EPHA3: variants seen among roughly 807,000 people sequenced by gnomAD.
EPHA3 encodes ephrin type-A receptor 3.
EPHA3 carries 42 observed loss-of-function variants against 107.1 expected under a neutral mutation model. The observed-to-expected ratio is 0.39, with a 90% confidence interval of 0.31 to 0.51. The LOEUF is 0.51. EPHA3 is among the 20% of genes least tolerant of loss of function. EPHA3 has a pLI of 0.78. For synonymous variants in EPHA3, 461 were observed against 424.8 expected (o/e 1.09, Z -1.05); for missense variants, 1,183 against 1,211.2 (o/e 0.98, Z 0.35).
At chr3:89,260,155 C>G (rs1377329194) in intron 3 of EPHA3, among the ~76,000 whole-genome samples, 1 of 152,160 alleles carries the variant, frequency 6.6e-6, no homozygotes, top group Non-Finnish European at 1.5e-5. Context: ...GTACAGATAT[C>G]TTTACAAGGC....
At chr3:89,151,107 A>T (rs1476623606) in intron 2 of EPHA3, among the ~76,000 whole-genome samples, 4 of 152,094 alleles carry the variant, frequency 2.6e-5, no homozygotes, top group Non-Finnish European at 4.4e-5. Context: ...TAAAAATTAT[A>T]CAGGAAAAGG....
At chr3:89,124,445 A>G (rs1704048172) in intron 1 of EPHA3, among the ~76,000 whole-genome samples, 1 of 152,142 alleles carries the variant, frequency 6.6e-6, no homozygotes, top group South Asian at 2.1e-4. Flanking sequence ...ACTTTAAAGT[A>G]TTTAGAATTC....
intron 4 of EPHA3, among the ~76,000 whole-genome samples, chr3:89,341,331 C>T (rs1707516667): frequency 6.6e-6 from 1 of 152,050 alleles, no homozygotes; most frequent in Non-Finnish European, 1.5e-5. Flanking sequence ...TTGTTTAGAT[C>T]CTGCATTACA....
chr3:89,138,504 GT>G (rs1180148867), intron 2 of EPHA3, among the ~76,000 whole-genome samples: 1 of 152,042 alleles, frequency 6.6e-6, no homozygotes, highest in East Asian at 1.9e-4. Context: ...AGAATATAAG[GT>G]TGTCTGGGAA....
intron 3 of EPHA3, among the ~76,000 whole-genome samples, chr3:89,318,589 G>A (rs1255248942): frequency 1.3e-5 from 2 of 151,914 alleles, no homozygotes; most frequent in East Asian, 1.9e-4. Context: ...TCAGACGGCC[G>A]GCCAGCTTGA....
chr3:89,146,604 C>A (rs1015525209), intron 2 of EPHA3, among the ~76,000 whole-genome samples: 1 of 151,992 alleles, frequency 6.6e-6, no homozygotes, highest in African/African-American at 2.4e-5. Flanking sequence ...CCTGTTCACT[C>A]TGATGATAGT....
chr3:89,228,981 T>A (rs956287522), intron 3 of EPHA3, among the ~76,000 whole-genome samples: 2 of 151,984 alleles, frequency 1.3e-5, no homozygotes, highest in Non-Finnish European at 2.9e-5. Flanking sequence ...AATTTGACTA[T>A]GTTTAAGCCG....
chr3:89,175,921 T>C (rs1705311956), intron 2 of EPHA3, among the ~76,000 whole-genome samples: 1 of 152,150 alleles, frequency 6.6e-6, no homozygotes. Flanking sequence ...TATTGTTGTT[T>C]TTTTACAGTT....
At chr3:89,271,220 C>T (rs1257672369) in intron 3 of EPHA3, among the ~76,000 whole-genome samples, 4 of 151,774 alleles carry the variant, frequency 2.6e-5, no homozygotes, top group Non-Finnish European at 5.9e-5. Context: ...CCTATAAAGT[C>T]ACTGTATTAC....
chr3:89,122,013 G>A (rs777962921), intron 1 of EPHA3, among the ~76,000 whole-genome samples: 20 of 150,182 alleles, frequency 1.3e-4, no homozygotes, highest in Middle Eastern at 3.5e-3. Flanking sequence ...ATGTTTGACC[G>A]GAGAACTACA....
At chr3:89,125,790 A>G (rs1338713767) in intron 1 of EPHA3, among the ~76,000 whole-genome samples, 2 of 151,654 alleles carry the variant, frequency 1.3e-5, no homozygotes, top group Non-Finnish European at 3.0e-5. Flanking sequence ...CCTTACTTTT[A>G]CCCATTTAAT....
rs544471847 is a variant in EPHA3, at chr3:89,368,574, T to C, written c.1306+26484T>C. Among the ~76,000 whole-genome samples, 180 of 150,632 alleles carry C rather than the reference T, an allele frequency of 1.2e-3. 7 individuals carry two copies. Among genetic ancestry groups the C allele is most frequent in the South Asian group, 4.6e-3 (22 of 4,786 alleles). ...AAGGCCTGAAAACTGGAGGGTCTGA[T>C]ATTGTAATTCTTAGAATTAGCAGAC... On this transcript the variant is annotated intron_variant, in intron 5 of 16. Transcript: ENST00000336596.
At chr3:89,401,058 A>G (rs1708952203) in intron 7 of EPHA3, among the ~76,000 whole-genome samples, 1 of 152,166 alleles carries the variant, frequency 6.6e-6, no homozygotes, top group Non-Finnish European at 1.5e-5. Flanking sequence ...TCTCATTGTT[A>G]CTGGTATATT....
At chr3:89,474,620 G>C (rs933556734) in intron 16 of EPHA3, among the ~76,000 whole-genome samples, 1 of 152,132 alleles carries the variant, frequency 6.6e-6, no homozygotes, top group Non-Finnish European at 1.5e-5. Context: ...AAAACTTTTA[G>C]ATATTGAAAC....
chr3:89,250,212 A>G (rs761417373), intron 3 of EPHA3, among the ~76,000 whole-genome samples: 1 of 152,246 alleles, frequency 6.6e-6, no homozygotes, highest in Non-Finnish European at 1.5e-5. Context: ...TCTCCTTATC[A>G]AATCAGCTTC....
chr3:89,439,822 T>G (rs1255950674), intron 13 of EPHA3, among the ~76,000 whole-genome samples: 2 of 152,120 alleles, frequency 1.3e-5, no homozygotes, highest in African/African-American at 4.8e-5. Flanking sequence ...AGAAGATAGA[T>G]ATCATACATC....
chr3:89,213,822 A>C (rs569684104), intron 3 of EPHA3, among the ~76,000 whole-genome samples: 2 of 151,888 alleles, frequency 1.3e-5, no homozygotes, highest in Non-Finnish European at 2.9e-5. Flanking sequence ...CTACCCTATA[A>C]TTATCGAGAT....
At chr3:89,447,416 C>T (rs1709895783) in intron 13 of EPHA3, among the ~76,000 whole-genome samples, 1 of 152,048 alleles carries the variant, frequency 6.6e-6, no homozygotes, top group African/African-American at 2.4e-5. Flanking sequence ...TAAGCTCTAC[C>T]TTTTCAAAGA....
intron 5 of EPHA3, among the ~76,000 whole-genome samples, chr3:89,382,797 G>A (rs1708538375): frequency 6.6e-6 from 1 of 152,156 alleles, no homozygotes; most frequent in Non-Finnish European, 1.5e-5. Flanking sequence ...AAGAGGAGGT[G>A]TTTCAGAGGA....
Sources: allele counts gnomAD v4.1 joint callset (sites outside exome capture counted in the v4.1 genomes callset), GRCh38; gene constraint gnomAD v4.1.1; transcripts MANE v1.5; gene names NCBI Gene and HGNC (gene_info 2026-07-23, HGNC 2026-07-21).